The following TMEM9 variants were observed in gnomAD, a reference collection of about 807,000 sequenced individuals.
TMEM9 encodes the protein transmembrane protein 9.
In TMEM9, 13 loss-of-function variants were observed where a neutral mutation model predicts 22.8. The observed-to-expected ratio is 0.57, with a 90% confidence interval of 0.37 to 0.91. TMEM9 has a LOEUF of 0.91. TMEM9 is among the 40% of genes least tolerant of loss of function. TMEM9 has a pLI of 0.01. For missense variants in TMEM9, 182 were observed against 238.1 expected (o/e 0.76, Z 1.55); for synonymous variants, 88 against 93.0 (o/e 0.95, Z 0.31).
intron 3 of TMEM9, chr1:201,145,287 G>C (rs754682776): frequency 2.0e-5 from 3 of 152,298 alleles, no homozygotes; most frequent in Non-Finnish European, 4.4e-5. Context: ...GTGACATCTG[G>C]CTCTGAATTT....
In TMEM9 at chr1:201,135,573, C is replaced by T. The variant is rs1311521148; in HGVS notation, c.*90G>A. 20 of 1,339,430 alleles carry T rather than the reference C, an allele frequency of 1.5e-5. No individual in the cohort carries two copies. Among genetic ancestry groups the T allele is most frequent in the East Asian group, 5.3e-5 (2 of 37,750 alleles). The allele number at this position is 1,339,430 out of a possible 1,614,324, so 83.0% of individuals were successfully genotyped here. ...AGGCTTTTAAAGGGAAGACTGGAAC[C>T]GAGGGAAGGGAGAAGTAGCCCCCTG... On this transcript the variant is annotated 3_prime_UTR_variant, in exon 5 of 5. Coordinates refer to ENST00000367330, the MANE Select transcript of TMEM9 (RefSeq NM_001288565.2).
intron 1 of TMEM9, among the ~76,000 whole-genome samples, chr1:201,170,747 C>A (rs535095035): frequency 6.6e-6 from 1 of 152,318 alleles, no homozygotes; most frequent in Admixed American, 6.5e-5. Flanking sequence ...AACAGGGTGG[C>A]GCCGGCCAAA....
At chr1:201,142,143 G>A (rs899523728) in intron 4 of TMEM9, among the ~76,000 whole-genome samples, 1 of 152,202 alleles carries the variant, frequency 6.6e-6, no homozygotes, top group Non-Finnish European at 1.5e-5. Context: ...TAGCTCCAAT[G>A]GGGCGAGGCT....
At chr1:201,164,093 T>G (rs1450063764) in intron 1 of TMEM9, among the ~76,000 whole-genome samples, 1 of 152,246 alleles carries the variant, frequency 6.6e-6, no homozygotes, top group Non-Finnish European at 1.5e-5. Context: ...GCAACAACTT[T>G]GATGAATCTT....
chr1:201,143,692 A>T, intron 4 of TMEM9, 128 bp downstream of exon 4: 1 of 892,198 alleles, frequency 1.1e-6, no homozygotes, highest in Non-Finnish European at 1.7e-6. Flanking sequence ...TGTGTACGAC[A>T]CTGACCAGAA....
At chr1:201,159,875 G>A (rs1665899977) in intron 1 of TMEM9, among the ~76,000 whole-genome samples, 1 of 152,144 alleles carries the variant, frequency 6.6e-6, no homozygotes, top group Non-Finnish European at 1.5e-5. Flanking sequence ...CCCAGTTTAT[G>A]TCAGGCATTC....
intron 4 of TMEM9, among the ~76,000 whole-genome samples, chr1:201,137,335 CTCAG>C (rs1664087515): frequency 6.6e-6 from 1 of 152,186 alleles, no homozygotes; most frequent in Non-Finnish European, 1.5e-5. Context: ...GAGACATGGC[CTCAG>C]TCACTTATGA....
intron 1 of TMEM9, among the ~76,000 whole-genome samples, chr1:201,164,961 G>A (rs1303510348): frequency 7.2e-5 from 11 of 151,768 alleles, no homozygotes; most frequent in Admixed American, 2.6e-4. Flanking sequence ...CCTAGGGAGG[G>A]TGAGATACCG....
intron 1 of TMEM9, among the ~76,000 whole-genome samples, chr1:201,167,407 G>C (rs1174159772): frequency 6.6e-6 from 1 of 152,190 alleles, no homozygotes; most frequent in Non-Finnish European, 1.5e-5. Context: ...CTTGGGTTGA[G>C]TTGCTTCTCC....
chr1:201,150,531 G>A (rs1321974722), intron 2 of TMEM9, among the ~76,000 whole-genome samples: 2 of 152,154 alleles, frequency 1.3e-5, no homozygotes, highest in Admixed American at 1.3e-4. Context: ...AAATCAAAGT[G>A]CAGTGGAGAT....
At chr1:201,152,112 C>G (rs1004618434) in intron 1 of TMEM9, among the ~76,000 whole-genome samples, 5 of 152,104 alleles carry the variant, frequency 3.3e-5, no homozygotes, top group African/African-American at 9.7e-5. Flanking sequence ...GCCTGCCAGT[C>G]CCAAAGCAGG....
chr1:201,158,916 C>T (rs1405970215), upstream of TMEM9, among the ~76,000 whole-genome samples: 1 of 152,132 alleles, frequency 6.6e-6, no homozygotes, highest in African/African-American at 2.4e-5. Context: ...CTGTCCCTAC[C>T]GTTGGTGCTC....
chr1:201,142,092 C>A (rs1381437568), intron 4 of TMEM9, among the ~76,000 whole-genome samples: 1 of 152,212 alleles, frequency 6.6e-6, no homozygotes, highest in Non-Finnish European at 1.5e-5. Context: ...TCCTCTTGAA[C>A]ACAGACCACC....
intron 2 of TMEM9, among the ~76,000 whole-genome samples, chr1:201,148,886 C>T (rs1665207007): frequency 6.6e-6 from 1 of 152,234 alleles, no homozygotes; most frequent in Admixed American, 6.5e-5. Context: ...CATGCTGCTT[C>T]CGCTGGGAGC....
Position 201,143,010 on chromosome 1 carries a change from C to T in TMEM9, c.399+810G>A, listed in dbSNP as rs553077473. Among the ~76,000 whole-genome samples, 9 of 152,316 alleles carry T rather than the reference C, an allele frequency of 5.9e-5. No individual in the cohort carries two copies. In the South Asian group the frequency reaches 1.9e-3, roughly 32 times the overall value. ...CCTCCTGTCCCCCCGGGTTTCCTCGCCATGGTGTCCACAACTTTTTAGTAT... is the reference window on the plus strand; with the variant it reads ...CCTCCTGTCCCCCCGGGTTTCCTCGTCATGGTGTCCACAACTTTTTAGTAT... On this transcript the variant is annotated intron_variant, in intron 4 of 4. Transcript: ENST00000367330.
chr1:201,155,797 A>C (rs995569455), upstream of TMEM9, among the ~76,000 whole-genome samples: 2 of 152,194 alleles, frequency 1.3e-5, no homozygotes, highest in Non-Finnish European at 2.9e-5. Context: ...CATGCCCATA[A>C]AATGGGATTA....
At chr1:201,155,984 G>T (rs1572135654), upstream of TMEM9, among the ~76,000 whole-genome samples, 1 of 152,110 alleles carries the variant, frequency 6.6e-6, no homozygotes, top group African/African-American at 2.4e-5. Flanking sequence ...TGCCTACCTC[G>T]TGGGGGCAGA....
intron 1 of TMEM9, among the ~76,000 whole-genome samples, chr1:201,163,759 C>T (rs926944637): frequency 6.6e-6 from 1 of 151,992 alleles, no homozygotes; most frequent in African/African-American, 2.4e-5. Flanking sequence ...GGGATTGGCT[C>T]ACTCATACAT....
chr1:201,139,221 G>GGCT (rs57671910), intron 4 of TMEM9, among the ~76,000 whole-genome samples: 2,102 of 152,222 alleles, frequency 0.014, 56 homozygotes, highest in African/African-American at 0.047. Context: ...TCCTCTCTCT[G>GGCT]GCTGCTCCTC....
Sources: allele counts gnomAD v4.1 joint callset (sites outside exome capture counted in the v4.1 genomes callset), GRCh38; gene constraint gnomAD v4.1.1; transcripts MANE v1.5; gene names NCBI Gene and HGNC (gene_info 2026-07-23, HGNC 2026-07-21).